The following RAP1GDS1 variants were observed in gnomAD, a reference collection of about 807,000 sequenced individuals.
The protein encoded by RAP1GDS1 is Rap1 GTPase-GDP dissociation stimulator 1, also known as RAP1, GTP-GDP dissociation stimulator 1.
A neutral mutation model predicts 71.1 loss-of-function variants in RAP1GDS1; 35 were observed. The observed-to-expected ratio is 0.49, with a 90% confidence interval of 0.38 to 0.65. The LOEUF is 0.65. Ranked by LOEUF, RAP1GDS1 falls within the 30% of genes least tolerant of loss-of-function variation. RAP1GDS1 has a pLI of 0.00. For synonymous variants in RAP1GDS1, 229 were observed against 243.1 expected, an observed-to-expected ratio of 0.94 and a Z score of 0.54; for missense variants, 663 against 706.1, an observed-to-expected ratio of 0.94 and a Z score of 0.69.
At chr4:98,400,387 C>T (rs967637600) in intron 6 of RAP1GDS1, among the ~76,000 whole-genome samples, 4 of 151,312 alleles carry the variant, frequency 2.6e-5, no homozygotes, top group Non-Finnish European at 5.9e-5. Context: ...ATTCAGCCAC[C>T]GAAAAGAATG....
chr4:98,319,378 A>G (rs368582389), intron 2 of RAP1GDS1, among the ~76,000 whole-genome samples: 51 of 152,326 alleles, frequency 3.3e-4, no homozygotes, highest in East Asian at 2.3e-3. Context: ...TTCTCAAGAT[A>G]TATGGTATAG....
intron 1 of RAP1GDS1, among the ~76,000 whole-genome samples, chr4:98,264,274 T>C (rs753074355): frequency 1.1e-4 from 16 of 152,082 alleles, no homozygotes; most frequent in Non-Finnish European, 2.1e-4. Flanking sequence ...CGGGCGCCTG[T>C]AATCCCAGCT....
At chr4:98,327,342 A>T (rs186111983) in intron 2 of RAP1GDS1, among the ~76,000 whole-genome samples, 1 of 152,232 alleles carries the variant, frequency 6.6e-6, no homozygotes, top group Non-Finnish European at 1.5e-5. Flanking sequence ...GAAGGATTAC[A>T]TAATTGTTTT....
At chr4:98,368,366 A>G (rs1739844389) in intron 4 of RAP1GDS1, among the ~76,000 whole-genome samples, 1 of 152,122 alleles carries the variant, frequency 6.6e-6, no homozygotes, top group Non-Finnish European at 1.5e-5. Context: ...CTAATACTGT[A>G]TGTATTACCT....
rs574902634 is a variant in RAP1GDS1 at position 98,340,789 on chromosome 4, A to G, written c.113-2350A>G. Among the ~76,000 whole-genome samples, 34 of 152,096 alleles carry G rather than the reference A, an allele frequency of 2.2e-4. No homozygotes were observed. In the South Asian group the frequency reaches 4.4e-3, roughly 19 times the overall value. ...TATATTCACATATATGTATATATGT[A>G]AATATATATATAAAAAGTGGGAGCT... On this transcript the variant is annotated intron_variant, in intron 2 of 14. Coordinates refer to ENST00000408927, the MANE Select transcript of RAP1GDS1 (RefSeq NM_001100427.2).
intron 13 of RAP1GDS1, among the ~76,000 whole-genome samples, chr4:98,435,166 G>A (rs1329812035): frequency 6.6e-6 from 1 of 152,046 alleles, no homozygotes; most frequent in African/African-American, 2.4e-5. Flanking sequence ...TTAACTGATA[G>A]CCTCTTAATT....
chr4:98,368,870 A>G (rs193065714), intron 4 of RAP1GDS1, among the ~76,000 whole-genome samples: 49 of 152,290 alleles, frequency 3.2e-4, no homozygotes, highest in Non-Finnish European at 5.4e-4. Flanking sequence ...TTATTCACTC[A>G]GGAATACATT....
At chr4:98,313,517 G>A (rs1730554702) in intron 2 of RAP1GDS1, among the ~76,000 whole-genome samples, 1 of 152,104 alleles carries the variant, frequency 6.6e-6, no homozygotes, top group African/African-American at 2.4e-5. Context: ...CTGCTAGTGA[G>A]GAATACCTTA....
At position 98,379,058 on chromosome 4, in the gene RAP1GDS1, A is replaced by G; in HGVS notation, c.403A>G (p.Ile135Val). 2.5e-5 allele frequency: 40 copies of G among 1,608,492 alleles called. No individual in the cohort carries two copies. Among genetic ancestry groups the G allele is most frequent in the Non-Finnish European group, 3.3e-5 (39 of 1,177,152 alleles). ...AGTTGACCAAGCAGGTGGTGCACAGATTGTAATTGACCATTTAAGGTCACT... is the reference window on the plus strand; with the variant it reads ...AGTTGACCAAGCAGGTGGTGCACAGGTTGTAATTGACCATTTAAGGTCACT... ...SAVDQAGGAQ[I>V]VIDHLRSLCS... The change falls in exon 5 of 15, where the codon ATT becomes GTT. Residue 135 changes from isoleucine to valine, a missense_variant. Physicochemically the swap from Ile to Val is conservative, Grantham distance 29. Coordinates refer to ENST00000408927, the MANE Select transcript of RAP1GDS1 (RefSeq NM_001100427.2).
chr4:98,344,732 GA>G (rs1278114561), intron 3 of RAP1GDS1, among the ~76,000 whole-genome samples: 6 of 152,300 alleles, frequency 3.9e-5, no homozygotes, highest in Non-Finnish European at 8.8e-5. Flanking sequence ...AAATAAATAG[GA>G]TACATTGGTA....
At chr4:98,277,617 C>T (rs1422117842) in intron 1 of RAP1GDS1, among the ~76,000 whole-genome samples, 1 of 152,140 alleles carries the variant, frequency 6.6e-6, no homozygotes, top group Non-Finnish European at 1.5e-5. Context: ...CTTCTGAGTT[C>T]TACTGACCTC....
At chr4:98,425,788 A>G (rs533133839) in intron 12 of RAP1GDS1, among the ~76,000 whole-genome samples, 1 of 152,230 alleles carries the variant, frequency 6.6e-6, no homozygotes, top group African/African-American at 2.4e-5. Flanking sequence ...AGACTTCAAT[A>G]CTCCACTGAC....
chr4:98,412,356 A>T (rs1253994730), intron 7 of RAP1GDS1, among the ~76,000 whole-genome samples: 2 of 152,094 alleles, frequency 1.3e-5, no homozygotes, highest in East Asian at 3.9e-4. Context: ...CTACAAAAAA[A>T]GTTTAAAAAT....
Position 98,432,089 on chromosome 4 carries a change from C to A in RAP1GDS1, c.1441-1847C>A, listed in dbSNP as rs529295316. On this transcript the variant is annotated intron_variant, in intron 12 of 14. Transcript: ENST00000408927. The stretch of plus-strand genomic sequence containing the variant: ...TAATGCTATCCCTCCCCGCTCCCCC[C>A]ATCCCACGACAGGCCCCAGTGTGTG... Among the ~76,000 whole-genome samples the A allele has an allele frequency of 1.1e-4, 16 of 152,252 alleles. No homozygotes were observed. In the South Asian group the frequency reaches 1.9e-3, roughly 18 times the overall value.
intron 1 of RAP1GDS1, among the ~76,000 whole-genome samples, chr4:98,267,362 A>G (rs1485651270): frequency 6.6e-6 from 1 of 152,124 alleles, no homozygotes; most frequent in Non-Finnish European, 1.5e-5. Context: ...CATGTTTTTT[A>G]CATGGGCATG....
At chr4:98,374,040 GAA>G (rs1740796455) in intron 4 of RAP1GDS1, among the ~76,000 whole-genome samples, 1 of 152,020 alleles carries the variant, frequency 6.6e-6, no homozygotes, top group Non-Finnish European at 1.5e-5. Flanking sequence ...TTTATTTCTG[GAA>G]TTTTTTTTAT....
At chr4:98,402,711 C>T (rs901290830) in intron 6 of RAP1GDS1, among the ~76,000 whole-genome samples, 15 of 152,078 alleles carry the variant, frequency 9.9e-5, no homozygotes, top group African/African-American at 3.6e-4. Context: ...AAGAGATTTA[C>T]CAGAGACTAG....
At chr4:98,316,719 T>C (rs1730997167) in intron 2 of RAP1GDS1, among the ~76,000 whole-genome samples, 1 of 152,112 alleles carries the variant, frequency 6.6e-6, no homozygotes, top group African/African-American at 2.4e-5. Context: ...AATACAACTT[T>C]AGCTCCAAGC....
At chr4:98,416,257 T>A (rs577648294) in intron 7 of RAP1GDS1, among the ~76,000 whole-genome samples, 4 of 151,942 alleles carry the variant, frequency 2.6e-5, no homozygotes, top group Admixed American at 1.3e-4. Context: ...TTTTGTATAT[T>A]TAAATGAACT....
Sources: gnomAD v4.1 joint callset for allele counts (sites outside exome capture counted in the v4.1 genomes callset) on GRCh38, gnomAD v4.1.1 for gene constraint, MANE v1.5 for transcripts, NCBI Gene and HGNC (gene_info 2026-07-23, HGNC 2026-07-21) for gene names.